CDK15: variants seen among roughly 807,000 people sequenced by gnomAD.
CDK15 encodes cyclin-dependent kinase 15.
CDK15 carries 62 observed loss-of-function variants against 60.3 expected under a neutral mutation model. The observed-to-expected ratio is 1.03, with a 90% CI of 0.84 to 1.27. The LOEUF (loss-of-function observed/expected upper bound fraction) is 1.27. CDK15 is among the 50% of genes most tolerant of loss of function. CDK15 has a pLI of 0.00. For missense variants in CDK15, 541 were observed against 527.8 expected (o/e 1.03, Z -0.25); for synonymous variants, 194 against 195.7 (o/e 0.99, Z 0.07).
At chr2:201,883,734 G>A (rs564528715) in intron 12 of CDK15, among the ~76,000 whole-genome samples, 2 of 152,328 alleles carry the variant, frequency 1.3e-5, no homozygotes, top group East Asian at 1.9e-4. Flanking sequence ...CCAGGGAGTC[G>A]CTCTTCCCAC....
chr2:201,821,625 C>T (rs1439914436), intron 4 of CDK15, among the ~76,000 whole-genome samples: 1 of 152,066 alleles, frequency 6.6e-6, no homozygotes, highest in African/African-American at 2.4e-5. Flanking sequence ...TTCCTTTAAG[C>T]TTTAAAGACA....
chr2:201,825,910 T>C (rs1279395679), intron 6 of CDK15, among the ~76,000 whole-genome samples: 1 of 152,126 alleles, frequency 6.6e-6, no homozygotes, highest in South Asian at 2.1e-4. Flanking sequence ...CAGGTGTTGA[T>C]TAAATAGAAG....
chr2:201,881,259 T>C (rs1699268987), intron 12 of CDK15, among the ~76,000 whole-genome samples: 1 of 152,200 alleles, frequency 6.6e-6, no homozygotes, highest in Non-Finnish European at 1.5e-5. Flanking sequence ...GGCATTCTGT[T>C]TTATGACTAA....
At chr2:201,888,477 A>C in intron 12 of CDK15, 1 of 1,534,970 alleles carries the variant, frequency 6.5e-7, no homozygotes, top group Admixed American at 2.0e-5. Context: ...CAGCTGCGAT[A>C]ATTATGCTGT....
At chr2:201,856,118 G>A (rs369454904) in intron 10 of CDK15, among the ~76,000 whole-genome samples, 3 of 152,164 alleles carry the variant, frequency 2.0e-5, no homozygotes, top group East Asian at 1.9e-4. Flanking sequence ...ATGAGCCAGC[G>A]CGCCTGGCCT....
At position 201,849,834 on chromosome 2, in the gene CDK15, C is replaced by CT. The variant is rs200293204; in HGVS notation, c.945+2368dup. ...TATAAACTGATTTTTTTTCTTTTTC[C>CT]TTTTTTTTGAGAAGGAGTCTTGCTC... On this transcript the variant is annotated intron_variant, in intron 9 of 13. Transcript: ENST00000652192. Among the ~76,000 whole-genome samples the CT allele has an allele frequency of 9.1e-3, 1,373 of 151,394 alleles. 22 individuals carry two copies. Among genetic ancestry groups the CT allele is most frequent in the African/African-American group, 0.031 (1,296 of 41,324 alleles).
At chr2:201,823,030 T>A (rs1696303357) in intron 5 of CDK15, 127 bp downstream of exon 5, 1 of 652,978 alleles carries the variant, frequency 1.5e-6, no homozygotes. Flanking sequence ...GAAATTTTCA[T>A]TATTGTGATT....
intron 11 of CDK15, among the ~76,000 whole-genome samples, chr2:201,878,370 G>A (rs1007087561): frequency 1.3e-5 from 2 of 152,058 alleles, no homozygotes; most frequent in African/African-American, 4.8e-5. Context: ...TAAAACTCTG[G>A]CTTCTCCCTC....
intron 1 of CDK15, 62 bp from the exon 2 acceptor site, chr2:201,807,432 T>G: frequency 6.5e-7 from 1 of 1,530,270 alleles, no homozygotes. Context: ...AAAAATGGTT[T>G]TACCAGGCAC....
Position 201,890,663 on chromosome 2 carries a change from T to G in CDK15, c.1199-122T>G, listed in dbSNP as rs557049325. 140 of 667,422 alleles carry G rather than the reference T, an allele frequency of 2.1e-4. No homozygotes were observed. The African/African-American group carries it at 2.3e-3, about 11-fold the overall frequency. The allele number at this position is 667,422 out of a possible 1,614,324, so 41.3% of individuals were successfully genotyped here. On this transcript the variant is annotated intron_variant, in intron 12 of 13. Transcript: ENST00000652192. ...TCTATGAGTCAGTATGAATTATTAGTAAATAAGTCTGGCTCATGTTTTGAC... is the reference window on the plus strand; with the variant it reads ...TCTATGAGTCAGTATGAATTATTAGGAAATAAGTCTGGCTCATGTTTTGAC...
intron 10 of CDK15, among the ~76,000 whole-genome samples, chr2:201,864,608 C>A (rs1392051070): frequency 6.6e-6 from 1 of 152,106 alleles, no homozygotes; most frequent in Non-Finnish European, 1.5e-5. Flanking sequence ...CATAAGCCAC[C>A]GTGCCTGCCC....
intron 5 of CDK15, among the ~76,000 whole-genome samples, chr2:201,823,264 T>C (rs753178430): frequency 2.0e-5 from 3 of 152,198 alleles, no homozygotes; most frequent in South Asian, 2.1e-4. Flanking sequence ...ATTTAAAAAT[T>C]GTATGCAAGC....
At chr2:201,886,167 G>A (rs1699442602) in intron 12 of CDK15, among the ~76,000 whole-genome samples, 1 of 152,064 alleles carries the variant, frequency 6.6e-6, no homozygotes, top group Non-Finnish European at 1.5e-5. Flanking sequence ...ACATCTCCAG[G>A]TAGCGTGTTT....
At chr2:201,881,573 CTATG>C (rs1699279341) in intron 12 of CDK15, among the ~76,000 whole-genome samples, 1 of 152,088 alleles carries the variant, frequency 6.6e-6, no homozygotes, top group South Asian at 2.1e-4. Context: ...TGTGCAGAGA[CTATG>C]TGTGTGTTGA....
At chr2:201,810,465 G>C (rs966232259) in intron 3 of CDK15, among the ~76,000 whole-genome samples, 1 of 151,288 alleles carries the variant, frequency 6.6e-6, no homozygotes, top group Non-Finnish European at 1.5e-5. Flanking sequence ...GCTTCCAAAG[G>C]ACAAAGCTGC....
In CDK15 at chr2:201,807,874, T is replaced by C; in HGVS notation, c.290T>C (p.Phe97Ser). Residue 97 changes from phenylalanine to serine, a missense_variant, in exon 3 of 14, where the codon TTT becomes TCT. Coordinates refer to ENST00000652192, the MANE Select transcript of CDK15 (RefSeq NM_001366386.2). ...CTAGAGCAGAGGAAGAGCCTCCCTT[T>C]TGGGGCAGCCTCATCTTACTTGAAC... ...QGFQWRKSLP[F>S]GAASSYLNLE... The C allele has an allele frequency of 6.2e-7, 1 of 1,613,952 alleles. No individual in the cohort carries two copies. Among genetic ancestry groups the C allele is most frequent in the Non-Finnish European group, 8.5e-7 (1 of 1,179,928 alleles).
intron 12 of CDK15, among the ~76,000 whole-genome samples, 156 bp from the exon 13 acceptor site, chr2:201,890,629 A>G (rs538368328): frequency 5.9e-4 from 90 of 152,340 alleles, no homozygotes; most frequent in Non-Finnish European, 1.2e-4. Context: ...GATTCAGTAA[A>G]GTGAGTCATC....
At position 201,838,671 on chromosome 2, in the gene CDK15, T is replaced by C. The variant is rs187721452; in HGVS notation, c.851+2908T>C. 6.4e-4 allele frequency among the ~76,000 whole-genome samples: 98 copies of C among 152,132 alleles called. 3 individuals carry two copies. The highest frequency in any genetic ancestry group is 5.9e-3 in the Admixed American group (90 of 15,278). On this transcript the variant is annotated intron_variant, in intron 8 of 13. Transcript: ENST00000652192. ...ATCCTCCTGCCTTGGCCTTCCCAACTGCTGGGATTACAGGTATAAGCCACC... is the reference window on the plus strand; with the variant it reads ...ATCCTCCTGCCTTGGCCTTCCCAACCGCTGGGATTACAGGTATAAGCCACC...
chr2:201,886,483 G>A (rs1002169957), intron 12 of CDK15, among the ~76,000 whole-genome samples: 7 of 151,974 alleles, frequency 4.6e-5, no homozygotes, highest in Admixed American at 2.0e-4. Context: ...GTGCCACCAC[G>A]CCTGGCTAAT....
Sources: allele counts gnomAD v4.1 joint callset (sites outside exome capture counted in the v4.1 genomes callset), GRCh38; gene constraint gnomAD v4.1.1; transcripts MANE v1.5; gene names NCBI Gene and HGNC (gene_info 2026-07-23, HGNC 2026-07-21).